GLIS3: variants seen among roughly 807,000 people sequenced by gnomAD.
GLIS3 encodes GLIS family zinc finger 3.
In GLIS3, 53 loss-of-function variants were observed where a neutral mutation model predicts 78.6. The observed-to-expected ratio is 0.67, with a 90% CI of 0.54 to 0.85. The LOEUF (loss-of-function observed/expected upper bound fraction) is 0.85, where lower values mean the gene tolerates loss of function less well. Ranked by LOEUF, GLIS3 falls within the 40% of genes least tolerant of loss-of-function variation. The probability of loss-of-function intolerance (pLI) is 0.00; values close to 1 mark genes in which losing one functional copy is unlikely to be tolerated. For synonymous variants in GLIS3, 684 were observed against 509.9 expected, an observed-to-expected ratio of 1.34 and a Z score of -4.60; for missense variants, 1,703 against 1,231.1, an observed-to-expected ratio of 1.38 and a Z score of -5.74.
intron 4 of GLIS3, among the ~76,000 whole-genome samples, chr9:3,944,193 A>T (rs1816132223): frequency 6.6e-6 from 1 of 152,196 alleles, no homozygotes; most frequent in Non-Finnish European, 1.5e-5. Context: ...ATGAAAATGA[A>T]AAAAATTTTT....
At chr9:4,357,560 C>CGTGT in the GLIS3 span, among the ~76,000 whole-genome samples, 1 of 100,134 alleles carries the variant, frequency 1.0e-5, no homozygotes, top group African/African-American at 4.9e-5. Context: ...TGAACTAATT[C>CGTGT]CTGTGTGTGT....
At chr9:3,930,551 A>C (rs1469317925) in intron 6 of GLIS3, among the ~76,000 whole-genome samples, 2 of 152,228 alleles carry the variant, frequency 1.3e-5, no homozygotes, top group Non-Finnish European at 2.9e-5. Context: ...AAACACAACA[A>C]ATTTGAACAG....
chr9:3,957,519 T>G (rs536221335), intron 4 of GLIS3, among the ~76,000 whole-genome samples: 2 of 152,184 alleles, frequency 1.3e-5, no homozygotes, highest in Non-Finnish European at 2.9e-5. Flanking sequence ...AAGGGACTTA[T>G]CAAGCAGCCC....
At chr9:4,309,874 A>G (rs554490250) in intron 3 of GLIS3, among the ~76,000 whole-genome samples, 3 of 152,356 alleles carry the variant, frequency 2.0e-5, no homozygotes, top group East Asian at 1.9e-4. Flanking sequence ...TTAGAGTACA[A>G]TAAAATTTAT....
At chr9:3,892,994 TTGTTATA>T (rs1375286137) in intron 7 of GLIS3, among the ~76,000 whole-genome samples, 1 of 152,182 alleles carries the variant, frequency 6.6e-6, no homozygotes, top group African/African-American at 2.4e-5. Flanking sequence ...ATGTACAGGT[TTGTTATA>T]TAGATAAGCT....
chr9:3,981,684 C>G (rs978014442), intron 4 of GLIS3, among the ~76,000 whole-genome samples: 12 of 152,148 alleles, frequency 7.9e-5, no homozygotes, highest in African/African-American at 2.4e-4. Flanking sequence ...GATGATAAAG[C>G]CTTTTCAAAT....
chr9:4,439,091 C>G, the GLIS3 span, among the ~76,000 whole-genome samples: 855 of 152,284 alleles, frequency 5.6e-3, 1 homozygote, highest in Non-Finnish European at 9.4e-3. Flanking sequence ...CTTCAACACG[C>G]TTTCATGTTT....
chr9:4,144,111 A>G (rs1024346313), intron 2 of GLIS3, among the ~76,000 whole-genome samples: 1 of 152,180 alleles, frequency 6.6e-6, no homozygotes, highest in African/African-American at 2.4e-5. Context: ...ACCTCAGGGG[A>G]GAAGGCAAGG....
At chr9:3,877,251 T>A (rs1821377492) in intron 8 of GLIS3, among the ~76,000 whole-genome samples, 1 of 147,986 alleles carries the variant, frequency 6.8e-6, no homozygotes, top group Admixed American at 6.7e-5. Context: ...ATGCATTTTT[T>A]TAAAAAAATC....
chr9:4,341,332 C>T (rs1004201892), intron 2 of GLIS3, among the ~76,000 whole-genome samples: 4 of 152,218 alleles, frequency 2.6e-5, no homozygotes, highest in Non-Finnish European at 1.5e-5. Flanking sequence ...TGGGATTACA[C>T]ACTTGTAGTT....
intron 7 of GLIS3, among the ~76,000 whole-genome samples, chr9:3,886,456 G>A (rs940001445): frequency 1.3e-5 from 2 of 152,282 alleles, no homozygotes; most frequent in Admixed American, 6.5e-5. Flanking sequence ...GTTAAGGAGC[G>A]AAAATGGGCT....
At chr9:4,122,027 T>C (rs749902592) in intron 3 of GLIS3, among the ~76,000 whole-genome samples, 21 of 152,220 alleles carry the variant, frequency 1.4e-4, no homozygotes, top group East Asian at 5.8e-4. Flanking sequence ...CTTCTGGTGA[T>C]TGGTTAATTT....
At chr9:4,380,076 C>G in the GLIS3 span, among the ~76,000 whole-genome samples, 488 of 152,274 alleles carry the variant, frequency 3.2e-3, 1 homozygote, top group African/African-American at 0.011. Context: ...TGTAGTGCAT[C>G]AATATCTGCT....
chr9:4,257,136 T>A (rs1816013745), intron 2 of GLIS3, among the ~76,000 whole-genome samples: 2 of 152,354 alleles, frequency 1.3e-5, no homozygotes, highest in Admixed American at 1.3e-4. Context: ...TCTGTTGATG[T>A]GTACATATGG....
chr9:4,125,993 G>T, intron 2 of GLIS3, 52 bp from the exon 3 acceptor site: 1 of 1,364,798 alleles, frequency 7.3e-7, no homozygotes, highest in Non-Finnish European at 1.0e-6. Flanking sequence ...TCAGAAATCA[G>T]TAAATACAGA....
At chr9:4,359,115 C>T in the GLIS3 span, among the ~76,000 whole-genome samples, 10 of 152,256 alleles carry the variant, frequency 6.6e-5, no homozygotes, top group South Asian at 8.3e-4. Context: ...TACTCTCCTG[C>T]GGTCGAAAGT....
At chr9:4,478,567 T>C in the GLIS3 span, among the ~76,000 whole-genome samples, 166 of 151,498 alleles carry the variant, frequency 1.1e-3, no homozygotes, top group African/African-American at 3.6e-3. Context: ...GCTTAGAGTG[T>C]GCCACTGCAT....
chr9:4,345,647 G>T (rs1469895770), intron 2 of GLIS3, among the ~76,000 whole-genome samples: 1 of 152,094 alleles, frequency 6.6e-6, no homozygotes, highest in African/African-American at 2.4e-5. Flanking sequence ...GTAGCAGATT[G>T]GATACAGAAA....
chr9:4,002,084 T>C (rs73388246), intron 4 of GLIS3, among the ~76,000 whole-genome samples: 1,685 of 152,310 alleles, frequency 0.011, 35 homozygotes, highest in African/African-American at 0.038. Context: ...CAGATTATCA[T>C]TATCCCAGAT....
Sources: gnomAD v4.1 joint callset for allele counts (sites outside exome capture counted in the v4.1 genomes callset) on GRCh38, gnomAD v4.1.1 for gene constraint, MANE v1.5 for transcripts, NCBI Gene and HGNC (gene_info 2026-07-23, HGNC 2026-07-21) for gene names.